Variants in NUBPL observed in about 807,000 individuals in gnomAD.
NUBPL encodes NUBP iron-sulfur cluster assembly factor, mitochondrial.
NUBPL carries 31 observed loss-of-function variants against 45.7 expected under a neutral mutation model. The ratio of observed to expected loss-of-function variants is 0.68; its 90% confidence interval spans 0.51 to 0.92. The LOEUF (loss-of-function observed/expected upper bound fraction) is 0.92. Among genes scored for constraint, NUBPL ranks in the 40% least tolerant of loss-of-function variants. The pLI, the probability that NUBPL is intolerant of heterozygous loss-of-function variation, is 0.00. For missense variants in NUBPL, 401 were observed against 398.7 expected (o/e 1.01, Z -0.05); for synonymous variants, 144 against 140.9 (o/e 1.02, Z -0.15).
intron 8 of NUBPL, among the ~76,000 whole-genome samples, chr14:31,838,178 T>G (rs1247920151): frequency 1.3e-5 from 2 of 151,954 alleles, no homozygotes; most frequent in Non-Finnish European, 2.9e-5. Flanking sequence ...ATGGCTGGAA[T>G]TCTCATACAT....
At chr14:31,739,220 A>ATATATATATTATAT (rs2038227830) in intron 6 of NUBPL, among the ~76,000 whole-genome samples, 1 of 21,030 alleles carries the variant, frequency 4.8e-5, no homozygotes, top group Non-Finnish European at 8.3e-5. Context: ...ATATTATATT[A>ATATATATATTATAT]TATATATATA....
intron 6 of NUBPL, among the ~76,000 whole-genome samples, chr14:31,723,708 T>C (rs1404389148): frequency 1.3e-5 from 2 of 152,242 alleles, no homozygotes; most frequent in South Asian, 4.1e-4. Flanking sequence ...TTGTGTCAGT[T>C]ATGAATGAGA....
intron 4 of NUBPL, among the ~76,000 whole-genome samples, chr14:31,650,887 T>G (rs1032688152): frequency 1.3e-5 from 2 of 152,028 alleles, no homozygotes; most frequent in African/African-American, 4.8e-5. Flanking sequence ...GATCACAACG[T>G]GAGGGTGGAA....
intron 7 of NUBPL, among the ~76,000 whole-genome samples, chr14:31,802,164 A>T (rs1191675988): frequency 1.3e-5 from 2 of 152,210 alleles, no homozygotes; most frequent in African/African-American, 4.8e-5. Flanking sequence ...GGAGTTAATT[A>T]GTTCTTACAG....
At chr14:31,761,374 G>C (rs571691154) in intron 6 of NUBPL, among the ~76,000 whole-genome samples, 2 of 150,196 alleles carry the variant, frequency 1.3e-5, no homozygotes, top group Non-Finnish European at 3.0e-5. Flanking sequence ...TGAGGTCAGT[G>C]CTTTTCAATT....
chr14:31,845,116 G>A (rs112629725), intron 8 of NUBPL: 3 of 151,950 alleles, frequency 2.0e-5, no homozygotes, highest in African/African-American at 7.3e-5. Flanking sequence ...GTTTTGTGGC[G>A]GGCAAATACT....
intron 4 of NUBPL, among the ~76,000 whole-genome samples, chr14:31,600,048 A>G (rs1265014044): frequency 6.6e-6 from 1 of 151,286 alleles, no homozygotes; most frequent in Admixed American, 6.6e-5. Context: ...CAGCCTCCCA[A>G]GTAGCTGGGA....
intron 6 of NUBPL, among the ~76,000 whole-genome samples, chr14:31,785,729 T>C (rs751837977): frequency 6.6e-6 from 1 of 152,232 alleles, no homozygotes; most frequent in Non-Finnish European, 1.5e-5. Flanking sequence ...GATTTTATTA[T>C]GTTTATTGCT....
rs573411092 is a variant in NUBPL at position 31,754,489 on chromosome 14, C to T, written c.514-33291C>T. ...ATGGAAAATCCTGTAGGAGAAACAA[C>T]CCAGTTTTTCAACAAATAAATTGTA... is the stretch of plus-strand genomic sequence containing the variant. On this transcript the variant is annotated intron_variant, in intron 6 of 10. Transcript: ENST00000281081. Among the ~76,000 whole-genome samples, 3 of 151,556 alleles carry T rather than the reference C, an allele frequency of 2.0e-5. No homozygotes were observed. The East Asian group carries it at 5.8e-4, about 29-fold the overall frequency.
chr14:31,712,410 A>G (rs8005647), intron 6 of NUBPL, among the ~76,000 whole-genome samples: 151,740 of 152,370 alleles, frequency 1, 75,560 homozygotes, highest in Middle Eastern at 1. Context: ...CCCAGCAGGC[A>G]CTGGCTGGTT....
At chr14:31,755,173 C>A (rs1595585414) in intron 6 of NUBPL, among the ~76,000 whole-genome samples, 1 of 152,008 alleles carries the variant, frequency 6.6e-6, no homozygotes, top group South Asian at 2.1e-4. Context: ...GTGCATGTGT[C>A]TTTATAGCAG....
chr14:31,716,842 AGGC>A (rs2037699781), intron 6 of NUBPL, among the ~76,000 whole-genome samples: 1 of 152,164 alleles, frequency 6.6e-6, no homozygotes, highest in Admixed American at 6.5e-5. Context: ...CTAGCTGCTC[AGGC>A]TAAAATCCTG....
intron 4 of NUBPL, among the ~76,000 whole-genome samples, chr14:31,624,561 T>TTATA: frequency 6.6e-6 from 1 of 152,084 alleles, no homozygotes; most frequent in East Asian, 1.9e-4. Context: ...ACTAAAGACT[T>TTATA]TATTTATTTA....
At chr14:31,701,253 C>T (rs959035888) in intron 6 of NUBPL, among the ~76,000 whole-genome samples, 3 of 148,762 alleles carry the variant, frequency 2.0e-5, no homozygotes, top group East Asian at 2.0e-4. Flanking sequence ...GTATCTAGCT[C>T]ATCTAGTGGG....
intron 7 of NUBPL, chr14:31,801,148 G>C (rs947170066): frequency 1.3e-5 from 2 of 152,324 alleles, no homozygotes; most frequent in African/African-American, 4.8e-5. Flanking sequence ...TGCCAGAACT[G>C]CTACAAGGCA....
chr14:31,676,263 T>C (rs1412082758), intron 6 of NUBPL, among the ~76,000 whole-genome samples: 2 of 152,094 alleles, frequency 1.3e-5, no homozygotes, highest in Non-Finnish European at 2.9e-5. Flanking sequence ...CTTCAGGTGA[T>C]CTGCCCGTCT....
At chr14:31,809,916 G>A (rs2039767030) in intron 7 of NUBPL, among the ~76,000 whole-genome samples, 2 of 152,202 alleles carry the variant, frequency 1.3e-5, no homozygotes, top group South Asian at 4.1e-4. Context: ...TTTCCATGTA[G>A]TTGTGTAGTT....
chr14:31,700,896 TC>T (rs1234761741), intron 6 of NUBPL, among the ~76,000 whole-genome samples: 2 of 151,618 alleles, frequency 1.3e-5, no homozygotes, highest in African/African-American at 4.9e-5. Context: ...GCTCCAGGGC[TC>T]CCGGTCCCAT....
intron 4 of NUBPL, among the ~76,000 whole-genome samples, chr14:31,653,632 T>C (rs2036067190): frequency 6.6e-6 from 1 of 152,192 alleles, no homozygotes; most frequent in Admixed American, 6.5e-5. Flanking sequence ...GATTTCGTAT[T>C]GTTCAAACGC....
Sources: gnomAD v4.1 joint callset for allele counts (sites outside exome capture counted in the v4.1 genomes callset) on GRCh38, gnomAD v4.1.1 for gene constraint, MANE v1.5 for transcripts, NCBI Gene and HGNC (gene_info 2026-07-23, HGNC 2026-07-21) for gene names.